STIM2: variants seen among roughly 807,000 people sequenced by gnomAD.
STIM2 encodes the protein stromal interaction molecule 2.
Under a neutral mutation model 85.8 loss-of-function variants are expected in STIM2, and 31 were observed. That is an observed-to-expected ratio of 0.36 (90% confidence interval 0.27 to 0.49). STIM2 has a LOEUF of 0.49. Among genes scored for constraint, STIM2 ranks in the 20% least tolerant of loss-of-function variants. The pLI is 0.98. For synonymous variants in STIM2, 356 were observed against 331.1 expected, an observed-to-expected ratio of 1.08 and a Z score of -0.82; for missense variants, 841 against 927.6, an observed-to-expected ratio of 0.91 and a Z score of 1.21.
At chr4:27,001,801 G>A (rs1002125729) in intron 5 of STIM2, among the ~76,000 whole-genome samples, 1 of 152,228 alleles carries the variant, frequency 6.6e-6, no homozygotes, top group Non-Finnish European at 1.5e-5. Context: ...GTTTATAAGT[G>A]TGAGAGAAAC....
chr4:26,952,621 G>A (rs1447528213), intron 2 of STIM2, among the ~76,000 whole-genome samples: 1 of 151,966 alleles, frequency 6.6e-6, no homozygotes, highest in Non-Finnish European at 1.5e-5. Context: ...AAAACAAGTA[G>A]GAGATTTGAG....
rs534810398 is a variant in STIM2 at position 26,966,991 on chromosome 4, G to A, written c.397+9265G>A. ...TTCTGTTTCTCCCTCTCTTTGCATC[G>A]ACATTAATTCTTTCAGGATGTTGAA... On this transcript the variant is annotated intron_variant, in intron 3 of 11. Transcript: ENST00000467087. 5.3e-5 allele frequency among the ~76,000 whole-genome samples: 8 copies of A among 152,048 alleles called. No homozygotes were observed. In the South Asian group the frequency reaches 1.2e-3, roughly 24 times the overall value.
At chr4:26,919,673 C>T (rs1724725714) in intron 2 of STIM2, 39 bp downstream of exon 2, 1 of 1,604,432 alleles carries the variant, frequency 6.2e-7, no homozygotes. Flanking sequence ...TGTCTTAGAA[C>T]AGAATGACTG....
At chr4:26,917,393 G>T (rs762794062) in intron 1 of STIM2, among the ~76,000 whole-genome samples, 1 of 152,104 alleles carries the variant, frequency 6.6e-6, no homozygotes, top group Non-Finnish European at 1.5e-5. Flanking sequence ...TCTGGTGCCT[G>T]ACATTTGGTA....
intron 2 of STIM2, among the ~76,000 whole-genome samples, chr4:26,953,213 A>G (rs780731318): frequency 1.3e-5 from 2 of 152,172 alleles, no homozygotes; most frequent in African/African-American, 2.4e-5. Flanking sequence ...GAAACCTTAC[A>G]TAAATGTCTG....
intron 2 of STIM2, among the ~76,000 whole-genome samples, chr4:26,939,937 C>T (rs1438395038): frequency 1.3e-5 from 2 of 152,142 alleles, no homozygotes; most frequent in African/African-American, 2.4e-5. Context: ...TTACGGCAAA[C>T]GATGTCCTAG....
chr4:27,009,851 G>A (rs953216222), intron 10 of STIM2, among the ~76,000 whole-genome samples: 2 of 152,188 alleles, frequency 1.3e-5, no homozygotes, highest in African/African-American at 4.8e-5. Context: ...TGATTCATAA[G>A]TACACGCTTT....
chr4:26,958,592 T>G (rs1726333691), intron 3 of STIM2, among the ~76,000 whole-genome samples: 1 of 152,290 alleles, frequency 6.6e-6, no homozygotes, highest in Admixed American at 6.5e-5. Context: ...AGATGGTAGA[T>G]AGCTTGCTTA....
chr4:27,021,659 T>C, intron 11 of STIM2: 1 of 456,592 alleles, frequency 2.2e-6, no homozygotes, highest in South Asian at 1.5e-5. Flanking sequence ...ATCACTTTAA[T>C]GGCTGTGTAG....
intron 1 of STIM2, among the ~76,000 whole-genome samples, chr4:26,907,186 A>G (rs987489619): frequency 2.6e-5 from 4 of 152,056 alleles, no homozygotes; most frequent in African/African-American, 7.2e-5. Flanking sequence ...TTTTAGTGTT[A>G]TTTTCAGTAA....
At chr4:26,929,857 G>T (rs1725139504) in intron 2 of STIM2, among the ~76,000 whole-genome samples, 1 of 151,964 alleles carries the variant, frequency 6.6e-6, no homozygotes, top group South Asian at 2.1e-4. Flanking sequence ...GTAAGCAGGG[G>T]CAGGGGGATC....
intron 3 of STIM2, among the ~76,000 whole-genome samples, chr4:26,962,021 G>A (rs1194603966): frequency 6.6e-6 from 1 of 152,180 alleles, no homozygotes; most frequent in Non-Finnish European, 1.5e-5. Flanking sequence ...AAAGTGCTAG[G>A]ATTACAGGTG....
chr4:26,904,590 A>G (rs551001756), intron 1 of STIM2, among the ~76,000 whole-genome samples: 29 of 152,252 alleles, frequency 1.9e-4, no homozygotes, highest in African/African-American at 6.7e-4. Context: ...GGTGATCTTG[A>G]CCAGGCCAGT....
At chr4:26,918,422 G>T (rs1724672205) in intron 1 of STIM2, among the ~76,000 whole-genome samples, 1 of 151,958 alleles carries the variant, frequency 6.6e-6, no homozygotes. Context: ...CAAGTGATTT[G>T]TCCACAATTA....
intron 1 of STIM2, among the ~76,000 whole-genome samples, chr4:26,870,802 A>G (rs2109028484): frequency 6.6e-6 from 1 of 152,358 alleles, no homozygotes; most frequent in Non-Finnish European, 1.5e-5. Context: ...ATAAGGGTAA[A>G]AGGGCCTAAG....
chr4:26,965,410 T>C (rs983545213), intron 3 of STIM2, among the ~76,000 whole-genome samples: 26 of 152,168 alleles, frequency 1.7e-4, no homozygotes, highest in Non-Finnish European at 1.8e-4. Flanking sequence ...GTATTAATCA[T>C]TAGTTATAAT....
At chr4:26,896,069 T>C (rs74868805) in intron 1 of STIM2, among the ~76,000 whole-genome samples, 1,524 of 152,316 alleles carry the variant, frequency 0.01, 15 homozygotes, top group Middle Eastern at 0.017. Context: ...TTATTCTGGT[T>C]GTTGAGGTAA....
chr4:26,971,954 C>A (rs1726971998), intron 3 of STIM2, among the ~76,000 whole-genome samples: 2 of 151,984 alleles, frequency 1.3e-5, no homozygotes, highest in Admixed American at 6.6e-5. Flanking sequence ...GAGGTCCTTC[C>A]CATCCCTTGT....
At chr4:26,891,935 C>G (rs1277829050) in intron 1 of STIM2, among the ~76,000 whole-genome samples, 2 of 152,142 alleles carry the variant, frequency 1.3e-5, no homozygotes, top group Non-Finnish European at 2.9e-5. Flanking sequence ...GTGCGAGGGA[C>G]CCAGTGGGAG....
Sources: allele counts gnomAD v4.1 joint callset (sites outside exome capture counted in the v4.1 genomes callset), GRCh38; gene constraint gnomAD v4.1.1; transcripts MANE v1.5; gene names NCBI Gene and HGNC (gene_info 2026-07-23, HGNC 2026-07-21).